Variants in SLIT2 observed in about 807,000 individuals in gnomAD.
SLIT2 encodes the protein slit homolog 2 protein.
A neutral mutation model predicts 185.7 loss-of-function variants in SLIT2; 41 were observed. That is an observed-to-expected ratio of 0.22 (90% confidence interval 0.17 to 0.29). SLIT2 has a LOEUF of 0.29. Ranked by LOEUF, SLIT2 falls within the 10% of genes least tolerant of loss-of-function variation. SLIT2 has a pLI of 1.00. For missense variants in SLIT2, 1,571 were observed against 1,909.0 expected (o/e 0.82, Z 3.30); for synonymous variants, 693 against 680.2 (o/e 1.02, Z -0.29).
At chr4:20,486,688 T>G (rs775876356) in intron 7 of SLIT2, among the ~76,000 whole-genome samples, 4 of 152,168 alleles carry the variant, frequency 2.6e-5, no homozygotes, top group Non-Finnish European at 5.9e-5. Flanking sequence ...CACCCTCTAG[T>G]ACTTCTATAA....
Position 20,391,920 on chromosome 4 carries a change from A to G in SLIT2, c.396-75832A>G, listed in dbSNP as rs1321110146. Among the ~76,000 whole-genome samples the G allele has an allele frequency of 3.9e-5, 6 of 152,208 alleles. 1 individual carries two copies. In the South Asian group the frequency reaches 1.0e-3, roughly 26 times the overall value. On this transcript the variant is annotated intron_variant, in intron 4 of 36. Coordinates refer to ENST00000504154, the MANE Select transcript of SLIT2 (RefSeq NM_004787.4). ...CTTCTAGAGGAAGAAACCAAGTACTAGGTAAGAGGAGAATGTGGGATTCTC... is the reference window on the plus strand; with the variant it reads ...CTTCTAGAGGAAGAAACCAAGTACTGGGTAAGAGGAGAATGTGGGATTCTC...
chr4:20,282,068 A>G (rs747265987), intron 4 of SLIT2, among the ~76,000 whole-genome samples: 3 of 152,194 alleles, frequency 2.0e-5, no homozygotes, highest in Non-Finnish European at 4.4e-5. Context: ...GGGAAACTTC[A>G]TCAAAATCAG....
At chr4:20,305,149 AC>A (rs1298565620) in intron 4 of SLIT2, among the ~76,000 whole-genome samples, 6 of 152,144 alleles carry the variant, frequency 3.9e-5, no homozygotes, top group Non-Finnish European at 8.8e-5. Context: ...CTGCTGCTAA[AC>A]TGGTAACTCT....
intron 7 of SLIT2, among the ~76,000 whole-genome samples, chr4:20,488,149 A>G (rs1044676554): frequency 6.6e-6 from 1 of 151,960 alleles, no homozygotes; most frequent in Non-Finnish European, 1.5e-5. Context: ...GGATCCTGCC[A>G]ACATAGAGCG....
At chr4:20,545,619 A>G (rs1457944211) in intron 21 of SLIT2, among the ~76,000 whole-genome samples, 1 of 152,104 alleles carries the variant, frequency 6.6e-6, no homozygotes. Context: ...GTCCATTGTT[A>G]TTCACTAAGT....
intron 16 of SLIT2, among the ~76,000 whole-genome samples, chr4:20,529,937 A>G (rs1721637684): frequency 1.3e-5 from 2 of 152,100 alleles, no homozygotes; most frequent in Non-Finnish European, 2.9e-5. Flanking sequence ...CTTTAACTAG[A>G]TTATAGCTCC....
chr4:20,341,921 C>T (rs1015732411), intron 4 of SLIT2, among the ~76,000 whole-genome samples: 1 of 152,236 alleles, frequency 6.6e-6, no homozygotes, highest in Non-Finnish European at 1.5e-5. Flanking sequence ...ATAATTTTCG[C>T]ATGAAATTGC....
chr4:20,268,213 G>A (rs1002371200), intron 3 of SLIT2, among the ~76,000 whole-genome samples: 2 of 151,904 alleles, frequency 1.3e-5, no homozygotes, highest in Non-Finnish European at 2.9e-5. Flanking sequence ...TGACACAACT[G>A]TTAGTTATAA....
chr4:20,466,369 C>T (rs1204658982), intron 4 of SLIT2, among the ~76,000 whole-genome samples: 8 of 152,124 alleles, frequency 5.3e-5, no homozygotes, highest in Non-Finnish European at 1.2e-4. Context: ...CAGTAACACA[C>T]TACATCACTA....
At chr4:20,275,367 C>T (rs559892225) in intron 4 of SLIT2, among the ~76,000 whole-genome samples, 2 of 152,224 alleles carry the variant, frequency 1.3e-5, no homozygotes, top group South Asian at 4.1e-4. Context: ...AAGGATCATA[C>T]AATTTACTTT....
intron 33 of SLIT2, among the ~76,000 whole-genome samples, chr4:20,605,348 G>A (rs1368173796): frequency 2.0e-5 from 3 of 152,294 alleles, no homozygotes; most frequent in African/African-American, 7.2e-5. Context: ...TTGGGGAACT[G>A]CTTTGTTTTC....
intron 7 of SLIT2, among the ~76,000 whole-genome samples, chr4:20,486,832 C>A (rs1163856700): frequency 6.7e-6 from 1 of 150,304 alleles, no homozygotes; most frequent in African/African-American, 2.5e-5. Context: ...CCTTAAAGCC[C>A]AGAGTAGCCT....
intron 4 of SLIT2, among the ~76,000 whole-genome samples, chr4:20,387,365 A>G (rs911367577): frequency 6.6e-6 from 1 of 152,068 alleles, no homozygotes; most frequent in Admixed American, 6.6e-5. Context: ...TTCCACATCA[A>G]TGTCAGTAAC....
At chr4:20,516,441 A>G (rs1326372757) in intron 11 of SLIT2, among the ~76,000 whole-genome samples, 1 of 152,158 alleles carries the variant, frequency 6.6e-6, no homozygotes, top group Non-Finnish European at 1.5e-5. Flanking sequence ...CATTCTTGGT[A>G]TTTGGATGAT....
At chr4:20,469,205 T>C (rs931674518) in intron 5 of SLIT2, among the ~76,000 whole-genome samples, 1 of 152,230 alleles carries the variant, frequency 6.6e-6, no homozygotes, top group African/African-American at 2.4e-5. Flanking sequence ...AGAATTCCTA[T>C]GTAGCATTTA....
intron 4 of SLIT2, among the ~76,000 whole-genome samples, chr4:20,321,527 AC>A (rs1719083119): frequency 6.6e-6 from 1 of 152,184 alleles, no homozygotes; most frequent in Non-Finnish European, 1.5e-5. Context: ...AGAGACCTAA[AC>A]ACATAAAGGT....
At chr4:20,553,051 A>G (rs2148894306) in intron 25 of SLIT2, among the ~76,000 whole-genome samples, 1 of 152,304 alleles carries the variant, frequency 6.6e-6, no homozygotes, top group East Asian at 1.9e-4. Context: ...ACTTCTAATG[A>G]ACAACCGTAA....
chr4:20,513,724 G>A (rs36000259), intron 11 of SLIT2, among the ~76,000 whole-genome samples: 1 of 151,662 alleles, frequency 6.6e-6, no homozygotes, highest in Admixed American at 6.6e-5. Context: ...AAGGGATAAG[G>A]ATAGCTGTGG....
At chr4:20,445,089 G>A (rs1345277131) in intron 4 of SLIT2, among the ~76,000 whole-genome samples, 1 of 152,150 alleles carries the variant, frequency 6.6e-6, no homozygotes, top group Non-Finnish European at 1.5e-5. Context: ...GTCCTGTCCT[G>A]CTAACAATCA....
Sources: gnomAD v4.1 joint callset for allele counts (sites outside exome capture counted in the v4.1 genomes callset) on GRCh38, gnomAD v4.1.1 for gene constraint, MANE v1.5 for transcripts, NCBI Gene and HGNC (gene_info 2026-07-23, HGNC 2026-07-21) for gene names.